SLC13A1: variants seen among roughly 807,000 people sequenced by gnomAD.
SLC13A1 encodes Na(+)/sulfate cotransporter.
SLC13A1 carries 65 observed loss-of-function variants against 70.0 expected under a neutral mutation model. The ratio of observed to expected loss-of-function variants is 0.93; its 90% CI spans 0.76 to 1.14. The LOEUF (loss-of-function observed/expected upper bound fraction) is 1.14. SLC13A1 is among the 50% of genes most tolerant of loss of function. The pLI, the probability that SLC13A1 is intolerant of heterozygous loss-of-function variation, is 0.00. For missense variants in SLC13A1, 726 were observed against 717.8 expected, an observed-to-expected ratio of 1.01 and a Z score of -0.13; for synonymous variants, 275 against 250.5, an observed-to-expected ratio of 1.10 and a Z score of -0.92.
At chr7:123,183,543 T>G (rs1450252516) in intron 1 of SLC13A1, among the ~76,000 whole-genome samples, 1 of 152,178 alleles carries the variant, frequency 6.6e-6, no homozygotes, top group African/African-American at 2.4e-5. Flanking sequence ...TTTCAAATAT[T>G]GCTTTGTCAT....
At chr7:123,133,312 A>T (rs937317938) in intron 8 of SLC13A1, among the ~76,000 whole-genome samples, 2 of 151,964 alleles carry the variant, frequency 1.3e-5, no homozygotes, top group East Asian at 1.9e-4. Flanking sequence ...ATTGAAAGGG[A>T]TGTCAATTTT....
chr7:123,166,551 C>T (rs981160077), intron 6 of SLC13A1, among the ~76,000 whole-genome samples: 1 of 152,066 alleles, frequency 6.6e-6, no homozygotes, highest in Non-Finnish European at 1.5e-5. Flanking sequence ...CCCCTTCCCC[C>T]ACCACACAAC....
chr7:123,142,344 C>T (rs544265171), intron 7 of SLC13A1, among the ~76,000 whole-genome samples: 19 of 152,260 alleles, frequency 1.2e-4, no homozygotes, highest in Non-Finnish European at 2.4e-4. Flanking sequence ...GCAGAGGACT[C>T]CCCCTCCTTC....
chr7:123,172,746 G>A (rs1047619193), intron 2 of SLC13A1, among the ~76,000 whole-genome samples: 3 of 152,154 alleles, frequency 2.0e-5, no homozygotes, highest in African/African-American at 4.8e-5. Context: ...ACCATTTGCA[G>A]CAGTATTTCT....
intron 1 of SLC13A1, among the ~76,000 whole-genome samples, chr7:123,197,892 A>T (rs1458061122): frequency 6.6e-6 from 1 of 152,162 alleles, no homozygotes; most frequent in Non-Finnish European, 1.5e-5. Flanking sequence ...CAAAGAGTTT[A>T]TATTCATTTC....
chr7:123,145,226 T>A (rs938255579), intron 7 of SLC13A1, among the ~76,000 whole-genome samples: 2 of 152,188 alleles, frequency 1.3e-5, no homozygotes, highest in Non-Finnish European at 2.9e-5. Context: ...AATAATGTTG[T>A]AAGTTCTAGT....
chr7:123,128,990 G>C, intron 9 of SLC13A1, 44 bp from the exon 10 acceptor site: 2 of 1,334,974 alleles, frequency 1.5e-6, no homozygotes, highest in Non-Finnish European at 2.1e-6. Flanking sequence ...TTTCTCAGTC[G>C]GGACATTTGT....
intron 12 of SLC13A1, among the ~76,000 whole-genome samples, chr7:123,122,387 G>C (rs1207568613): frequency 6.6e-6 from 1 of 152,078 alleles, no homozygotes; most frequent in African/African-American, 2.4e-5. Context: ...ATGAAAACCA[G>C]AATGAGTGGT....
At chr7:123,160,092 G>A (rs1471744866) in intron 6 of SLC13A1, among the ~76,000 whole-genome samples, 1 of 151,830 alleles carries the variant, frequency 6.6e-6, no homozygotes, top group East Asian at 1.9e-4. Context: ...GACTAGCCTG[G>A]CCAACATAGT....
rs10239664 is a variant in SLC13A1 at position 123,166,555 on chromosome 7, A to C, written c.660+1819T>G. Reference sequence around the variant, plus strand: ...GCTATCCGTCCCCCCTTCCCCCACCACACAACAGGCCCCAGTGTGTGACGT... The same window carrying C: ...GCTATCCGTCCCCCCTTCCCCCACCCCACAACAGGCCCCAGTGTGTGACGT... On this transcript the variant is annotated intron_variant, in intron 6 of 14. Transcript: ENST00000194130. 6.3e-3 allele frequency among the ~76,000 whole-genome samples: 954 copies of C among 151,714 alleles called. 6 individuals are homozygous for C. The highest frequency in any genetic ancestry group is 0.021 in the African/African-American group (872 of 41,228).
chr7:123,125,145 A>G (rs1793516236), intron 11 of SLC13A1, among the ~76,000 whole-genome samples: 1 of 152,232 alleles, frequency 6.6e-6, no homozygotes, highest in African/African-American at 2.4e-5. Context: ...TTGTTCCAGA[A>G]CTACTTTGAG....
At chr7:123,130,498 A>C (rs2116320654) in intron 8 of SLC13A1, among the ~76,000 whole-genome samples, 1 of 152,240 alleles carries the variant, frequency 6.6e-6, no homozygotes. Context: ...CTCACTCATA[A>C]GTGGGAGCTG....
chr7:123,160,886 A>T (rs1338626923), intron 6 of SLC13A1, among the ~76,000 whole-genome samples: 2 of 152,140 alleles, frequency 1.3e-5, no homozygotes, highest in African/African-American at 2.4e-5. Flanking sequence ...AAACTGAAAA[A>T]TATGGAAAAT....
intron 6 of SLC13A1, among the ~76,000 whole-genome samples, chr7:123,150,433 G>A (rs1336783813): frequency 6.6e-6 from 1 of 152,010 alleles, no homozygotes; most frequent in Non-Finnish European, 1.5e-5. Flanking sequence ...ACAGACTATT[G>A]GAATTTTCAT....
intron 1 of SLC13A1, among the ~76,000 whole-genome samples, chr7:123,190,282 T>G (rs953923265): frequency 1.3e-5 from 2 of 152,106 alleles, no homozygotes; most frequent in Non-Finnish European, 2.9e-5. Context: ...CAGAGTAGGG[T>G]TGACACTAAG....
intron 7 of SLC13A1, among the ~76,000 whole-genome samples, chr7:123,140,862 A>T (rs180741122): frequency 0.014 from 2,087 of 152,040 alleles, 16 homozygotes; most frequent in South Asian, 0.024. Flanking sequence ...TTAACTTTTT[A>T]AAAAAAGAAA....
In SLC13A1 at chr7:123,115,473, T is replaced by C. The variant is rs747681220; in HGVS notation, c.*45A>G. 3.2e-6 allele frequency: 5 copies of C among 1,586,052 alleles called. No individual in the cohort carries two copies. In the East Asian group the frequency reaches 1.1e-4, roughly 36 times the overall value. On this transcript the variant is annotated 3_prime_UTR_variant, in exon 15 of 15. Transcript: ENST00000194130. The stretch of plus-strand genomic sequence containing the variant: ...GCCACATTTTACAGTCAATCATTAA[T>C]GTCTTCCAGAAATTACCGCAAGATA...
At position 123,147,317 on chromosome 7, in the gene SLC13A1, A is replaced by T; in HGVS notation, c.661-7T>A. On this transcript the variant is annotated splice_polypyrimidine_tract_variant and splice_region_variant and intron_variant, in intron 6 of 14. Transcript: ENST00000194130. The stretch of plus-strand genomic sequence containing the variant: ...TGGTTCTCATGCCTGAGTTCTGTTC[A>T]ACAACAACAAAAAACTACCATGAGA... 1 of 1,612,540 alleles carries T rather than the reference A, an allele frequency of 6.2e-7. No individual in the cohort carries two copies. Among genetic ancestry groups the T allele is most frequent in the Non-Finnish European group, 8.5e-7 (1 of 1,179,362 alleles).
At position 123,115,381 on chromosome 7, in the gene SLC13A1, G is replaced by T; in HGVS notation, c.*137C>A. The T allele has an allele frequency of 2.5e-6, 2 of 793,472 alleles. No individual in the cohort carries two copies. The highest frequency in any genetic ancestry group is 2.1e-5 in the South Asian group (1 of 48,104). The allele number at this position is 793,472 out of a possible 1,614,324, so 49.2% of individuals were successfully genotyped here. On this transcript the variant is annotated 3_prime_UTR_variant, in exon 15 of 15. Coordinates refer to ENST00000194130, the MANE Select transcript of SLC13A1 (RefSeq NM_022444.4). ...ACTCTGAGTTATAACAGCAGGTTTCGGGTATTCACAGGAATTGCAGCAGCT... is the reference window on the plus strand; with the variant it reads ...ACTCTGAGTTATAACAGCAGGTTTCTGGTATTCACAGGAATTGCAGCAGCT...
Sources: allele counts gnomAD v4.1 joint callset (sites outside exome capture counted in the v4.1 genomes callset), GRCh38; gene constraint gnomAD v4.1.1; transcripts MANE v1.5; gene names NCBI Gene and HGNC (gene_info 2026-07-23, HGNC 2026-07-21).